The following ANXA4 variants were observed in gnomAD, a reference collection of about 807,000 sequenced individuals.
ANXA4 encodes 35-beta calcimedin.
In ANXA4, 39 loss-of-function variants were observed where a neutral mutation model predicts 49.8. The observed-to-expected ratio is 0.78, with a 90% CI of 0.61 to 1.02. The LOEUF (loss-of-function observed/expected upper bound fraction) is 1.02, where lower values mean the gene tolerates loss of function less well. ANXA4 is among the 50% of genes least tolerant of loss of function. The pLI is 0.00. For missense variants in ANXA4, 360 were observed against 410.1 expected (o/e 0.88, Z 1.05); for synonymous variants, 134 against 152.5 (o/e 0.88, Z 0.89).
chr2:69,724,406 G>C (rs531273450), intron 3 of ANXA4, among the ~76,000 whole-genome samples: 1 of 152,304 alleles, frequency 6.6e-6, no homozygotes, highest in East Asian at 1.9e-4. Flanking sequence ...CGTGCACCCT[G>C]GGGCTTCATC....
chr2:69,763,755 T>C (rs928997229), intron 1 of ANXA4, among the ~76,000 whole-genome samples: 13 of 151,232 alleles, frequency 8.6e-5, no homozygotes, highest in Non-Finnish European at 2.9e-5. Context: ...CTCCGCCTCC[T>C]GGGTTCAAGC....
At chr2:69,803,389 A>G (rs1673303597) in intron 3 of ANXA4, 1 of 152,158 alleles carries the variant, frequency 6.6e-6, no homozygotes. Context: ...AACCCCCCAT[A>G]CAGCACAAAC....
At position 69,807,957 on chromosome 2, in the gene ANXA4, CCT is replaced by C. The variant is rs1015913753; in HGVS notation, c.359_360del (p.Pro120ArgfsTer19). 6.2e-7 allele frequency: 1 copy of C among 1,613,998 alleles called. No homozygotes were observed. Among genetic ancestry groups the C allele is most frequent in the Non-Finnish European group, 8.5e-7 (1 of 1,180,008 alleles). On this transcript the variant is annotated frameshift_variant, in exon 6 of 13. Transcript: ENST00000394295. LOFTEE classifies it high-confidence loss of function. Reference protein sequence around the residue: ...CLIEILASRTPEEIRRISQTY... With the variant: ...CLIEILASRTXEEIRRISQTY... ...AATTGAGATCCTGGCCTCCCGGACC[CCT>C]GAGGAGATCCGGCGCATAAGCCAAA...
exon 1 of ANXA4, chr2:69,644,726 C>T (rs902867105): frequency 2.6e-5 from 4 of 152,252 alleles, no homozygotes; most frequent in African/African-American, 9.6e-5. Context: ...GGGTGCGCAT[C>T]AAAGCCTAAA....
At chr2:69,768,213 T>C (rs1267946295) in intron 1 of ANXA4, among the ~76,000 whole-genome samples, 14 of 152,164 alleles carry the variant, frequency 9.2e-5, no homozygotes, top group Admixed American at 9.2e-4. Flanking sequence ...GGCAAAATGA[T>C]ATAATAGTGA....
At chr2:69,779,286 TAAA>T (rs1672102643) in intron 1 of ANXA4, among the ~76,000 whole-genome samples, 1 of 151,876 alleles carries the variant, frequency 6.6e-6, no homozygotes. Context: ...TAAAATAAAA[TAAA>T]TAAATGTGTC....
chr2:69,674,053 C>CTG (rs140565321), intron 2 of ANXA4: 10,784 of 152,318 alleles, frequency 0.071, 1,114 homozygotes, highest in East Asian at 0.37. Flanking sequence ...TCGGTGAACA[C>CTG]TGTCTGGTGC....
chr2:69,689,527 A>T (rs1458724046), intron 2 of ANXA4, among the ~76,000 whole-genome samples: 1 of 152,250 alleles, frequency 6.6e-6, no homozygotes, highest in Non-Finnish European at 1.5e-5. Context: ...CACAAAAAAA[A>T]TGCAACTGTC....
At chr2:69,819,682 G>A (rs532203132) in intron 11 of ANXA4, among the ~76,000 whole-genome samples, 8 of 152,200 alleles carry the variant, frequency 5.3e-5, no homozygotes, top group Non-Finnish European at 7.4e-5. Context: ...AATGCCAGGT[G>A]TTTACCTGGC....
intron 1 of ANXA4, among the ~76,000 whole-genome samples, chr2:69,651,817 TGG>T (rs1218915002): frequency 2.4e-4 from 3 of 12,614 alleles, no homozygotes; most frequent in African/African-American, 5.7e-4. Flanking sequence ...TTTTTTTTTT[TGG>T]GGGGGGGGGG....
At chr2:69,773,614 TTTCC>T (rs1671825256) in intron 1 of ANXA4, among the ~76,000 whole-genome samples, 1 of 147,402 alleles carries the variant, frequency 6.8e-6, no homozygotes, top group Non-Finnish European at 1.5e-5. Context: ...TTTTCTTTTC[TTTCC>T]TTCTTTTTTT....
chr2:69,732,722 C>T (rs942952943), intron 3 of ANXA4, among the ~76,000 whole-genome samples: 1 of 152,004 alleles, frequency 6.6e-6, no homozygotes, highest in African/African-American at 2.4e-5. Flanking sequence ...CGCACCATTG[C>T]ACTCCAGCCT....
intron 1 of ANXA4, among the ~76,000 whole-genome samples, chr2:69,645,334 G>T (rs570311036): frequency 2.6e-4 from 40 of 152,330 alleles, no homozygotes; most frequent in African/African-American, 9.6e-4. Context: ...CACCTCCAGG[G>T]TGAAATGCAG....
intron 2 of ANXA4, among the ~76,000 whole-genome samples, chr2:69,673,528 G>T (rs2105345616): frequency 6.6e-6 from 1 of 151,926 alleles, no homozygotes; most frequent in Non-Finnish European, 1.5e-5. Flanking sequence ...CTAGGGGATG[G>T]ATAGCATTAG....
Position 69,825,771 on chromosome 2 carries a change from TG to T in ANXA4, c.*257del, listed in dbSNP as rs1421925138. 2.1e-5 allele frequency: 7 copies of T among 328,182 alleles called. No homozygotes were observed. Among genetic ancestry groups the T allele is most frequent in the African/African-American group, 1.5e-4 (7 of 46,942 alleles). The allele number at this position is 328,182 out of a possible 1,614,324, so 20.3% of individuals were successfully genotyped here. A position where few individuals can be genotyped will look rare whatever the true frequency, so the allele number is the denominator to read the frequency against. On this transcript the variant is annotated 3_prime_UTR_variant, in exon 13 of 13. Coordinates refer to ENST00000394295, the MANE Select transcript of ANXA4 (RefSeq NM_001153.5). ...AAAGTAGAAATAAATATGTATTCCA[TG>T]TTTTTAAAAGATTACTTTCTACTTT...
intron 2 of ANXA4, among the ~76,000 whole-genome samples, chr2:69,680,431 G>A (rs1354015629): frequency 2.0e-5 from 3 of 152,066 alleles, no homozygotes; most frequent in Non-Finnish European, 4.4e-5. Flanking sequence ...CTAGATATAA[G>A]ATCATGTCAT....
At chr2:69,800,089 A>G (rs728128) in intron 3 of ANXA4, among the ~76,000 whole-genome samples, 40,425 of 151,986 alleles carry the variant, frequency 0.27, 5,844 homozygotes, top group Admixed American at 0.45. Flanking sequence ...AGGATTCTAG[A>G]TAATTCCTAG....
chr2:69,650,683 G>A lies in ANXA4; in HGVS notation n.482-2315G>A, dbSNP rs1033540352. On this transcript the variant is annotated intron_variant and non_coding_transcript_variant, in intron 1 of 3. Coordinates refer to the ANXA4 transcript ENST00000418066. ...TGCCTAGTCTGATCTTGAACTCCTG[G>A]CCTCAAGCAATCCTCCTCCCTCGGC... Among the ~76,000 whole-genome samples the A allele has an allele frequency of 1.3e-5, 2 of 152,022 alleles. 1 individual carries two copies. Among genetic ancestry groups the A allele is most frequent in the Admixed American group, 1.3e-4 (2 of 15,260 alleles).
chr2:69,679,908 C>T (rs1183923385), intron 2 of ANXA4, among the ~76,000 whole-genome samples: 1 of 152,112 alleles, frequency 6.6e-6, no homozygotes, highest in Non-Finnish European at 1.5e-5. Flanking sequence ...TATGCTATAA[C>T]CTTGTAATAT....
Sources: allele counts gnomAD v4.1 joint callset (sites outside exome capture counted in the v4.1 genomes callset), GRCh38; gene constraint gnomAD v4.1.1; transcripts MANE v1.5; gene names NCBI Gene and HGNC (gene_info 2026-07-23, HGNC 2026-07-21).